Variants in CEACAM3 observed in about 807,000 individuals in gnomAD.
CEACAM3 encodes CEA cell adhesion molecule 3, also known as cell adhesion molecule CEACAM3.
A neutral mutation model predicts 30.1 loss-of-function variants in CEACAM3; 32 were observed. That is an observed-to-expected ratio of 1.06 (90% CI 0.80 to 1.43). The LOEUF (loss-of-function observed/expected upper bound fraction) is 1.43. Ranked by LOEUF, CEACAM3 falls within the 40% of genes most tolerant of loss-of-function variation. The pLI is 0.00. For missense variants in CEACAM3, 290 were observed against 316.3 expected (o/e 0.92, Z 0.63); for synonymous variants, 134 against 127.2 (o/e 1.05, Z -0.36).
At chr19:41,807,178 C>G (rs782373416) in intron 2 of CEACAM3, 1 of 1,609,916 alleles carries the variant, frequency 6.2e-7, no homozygotes, top group African/African-American at 1.3e-5. Context: ...ATGCTGTGGC[C>G]TTCACCTGTG....
intron 2 of CEACAM3, chr19:41,807,452 C>A: frequency 6.5e-7 from 1 of 1,533,168 alleles, no homozygotes; most frequent in Non-Finnish European, 8.8e-7. Flanking sequence ...GAGGCCAGGC[C>A]TCTCAGTCCC....
At chr19:41,796,911 G>A (rs1194053548) in intron 1 of CEACAM3, among the ~76,000 whole-genome samples, 170 bp downstream of exon 1, 2 of 152,136 alleles carry the variant, frequency 1.3e-5, no homozygotes, top group African/African-American at 2.4e-5. Context: ...CATTGAACTG[G>A]GATTGATAAG....
intron 2 of CEACAM3, among the ~76,000 whole-genome samples, chr19:41,802,905 T>A (rs547116048): frequency 6.6e-6 from 1 of 152,270 alleles, no homozygotes; most frequent in Non-Finnish European, 1.5e-5. Context: ...GAGTCACTTA[T>A]GAAGTTCACA....
At chr19:41,797,484 A>AC (rs1555825344) in intron 1 of CEACAM3, 105 bp from the exon 2 acceptor site, 2 of 1,433,992 alleles carry the variant, frequency 1.4e-6, no homozygotes, top group African/African-American at 2.9e-5. Flanking sequence ...ACACACATAC[A>AC]CTCTCCAAGG....
intron 3 of CEACAM3, 28 bp downstream of exon 3, chr19:41,808,958 C>A: frequency 6.7e-7 from 1 of 1,494,236 alleles, no homozygotes; most frequent in Non-Finnish European, 9.1e-7. Flanking sequence ...CATCCTTCTC[C>A]CACCCCCTAG....
In CEACAM3 at chr19:41,810,913, G is replaced by T. The variant is rs186376616; in HGVS notation, c.693+16G>T. On this transcript the variant is annotated intron_variant, in intron 6 of 6. Transcript: ENST00000357396. ...CATCTATGAGGTGAGTGTGGGCCACGGATGTTCTGGTCCCACAGGCCCCAG... is the reference window on the plus strand; with the variant it reads ...CATCTATGAGGTGAGTGTGGGCCACTGATGTTCTGGTCCCACAGGCCCCAG... 9.9e-6 allele frequency: 16 copies of T among 1,611,086 alleles called. No homozygotes were observed. The East Asian group carries it at 2.7e-4, about 27-fold the overall frequency.
intron 2 of CEACAM3, among the ~76,000 whole-genome samples, chr19:41,804,408 C>T (rs1167355926): frequency 3.3e-5 from 5 of 152,156 alleles, no homozygotes; most frequent in African/African-American, 1.2e-4. Flanking sequence ...GTTGTGTTTC[C>T]TGAGGCGTAA....
chr19:41,801,010 C>A (rs1174277923), intron 2 of CEACAM3, among the ~76,000 whole-genome samples: 3 of 152,120 alleles, frequency 2.0e-5, no homozygotes, highest in African/African-American at 7.2e-5. Context: ...TCTAGAATAA[C>A]CAGGGGTCTC....
rs2073250055 is a variant in CEACAM3 at position 41,811,441 on chromosome 19, G to A, written c.*204G>A. 2 of 568,488 alleles carry A rather than the reference G, an allele frequency of 3.5e-6. No homozygotes were observed. Among genetic ancestry groups the A allele is most frequent in the African/African-American group, 3.7e-5 (2 of 53,534 alleles). The allele number at this position is 568,488 out of a possible 1,614,324, so 35.2% of individuals were successfully genotyped here. On this transcript the variant is annotated 3_prime_UTR_variant, in exon 7 of 7. Coordinates refer to ENST00000357396, the MANE Select transcript of CEACAM3 (RefSeq NM_001815.5). ...CTGCCCTAGGCCCTGGGTGGGTCAGGACAAAGGCCTCTCATCACCGCAGAA... is the reference window on the plus strand; with the variant it reads ...CTGCCCTAGGCCCTGGGTGGGTCAGAACAAAGGCCTCTCATCACCGCAGAA...
intron 2 of CEACAM3, among the ~76,000 whole-genome samples, chr19:41,800,484 A>T (rs118160125): frequency 1.3e-5 from 2 of 152,286 alleles, no homozygotes; most frequent in East Asian, 3.9e-4. Flanking sequence ...GCCAGACACC[A>T]GTCAGGTCCA....
intron 2 of CEACAM3, among the ~76,000 whole-genome samples, chr19:41,799,990 G>A (rs1358983940): frequency 2.6e-5 from 4 of 152,106 alleles, no homozygotes; most frequent in African/African-American, 7.2e-5. Context: ...CTGGTTTGTG[G>A]GCGGCAGGTC....
At chr19:41,803,463 TTTGTTTG>T (rs1568740494) in intron 2 of CEACAM3, among the ~76,000 whole-genome samples, 7 of 103,268 alleles carry the variant, frequency 6.8e-5, no homozygotes, top group African/African-American at 2.0e-4. Context: ...TGTGTGTTGT[TTTGTTTG>T]TTTTTTTTTT....
intron 6 of CEACAM3, 62 bp downstream of exon 6, chr19:41,810,959 A>G (rs371043088): frequency 2.8e-4 from 409 of 1,472,686 alleles, no homozygotes; most frequent in Non-Finnish European, 3.7e-4. Context: ...ATCTTCCCCT[A>G]CTGGCATCGG....
chr19:41,800,855 C>A (rs1031539496), intron 2 of CEACAM3, among the ~76,000 whole-genome samples: 26 of 152,108 alleles, frequency 1.7e-4, no homozygotes, highest in Admixed American at 1.3e-3. Context: ...CACTACCAGT[C>A]TCCGCGCATT....
At chr19:41,808,081 T>C (rs572490612) in intron 2 of CEACAM3, among the ~76,000 whole-genome samples, 24 of 152,182 alleles carry the variant, frequency 1.6e-4, no homozygotes, top group Non-Finnish European at 2.9e-4. Flanking sequence ...AGCCACTCAG[T>C]TTTCTGAAAG....
At chr19:41,809,860 C>A in intron 3 of CEACAM3, 105 bp from the exon 4 acceptor site, 1 of 1,126,714 alleles carries the variant, frequency 8.9e-7, no homozygotes, top group African/African-American at 1.5e-5. Flanking sequence ...CAGGAGGTCT[C>A]CATGCCCATC....
chr19:41,796,790 T>C, intron 1 of CEACAM3, 49 bp downstream of exon 1: 5 of 1,576,872 alleles, frequency 3.2e-6, no homozygotes, highest in Non-Finnish European at 4.3e-6. Flanking sequence ...TCACAGAGAA[T>C]GGCTGGGGTC....
At chr19:41,797,388 TG>T in intron 1 of CEACAM3, 200 bp from the exon 2 acceptor site, 1 of 652,844 alleles carries the variant, frequency 1.5e-6, no homozygotes, top group Non-Finnish European at 2.6e-6. Context: ...TGCAGACCCC[TG>T]GGGAAGGGGA....
intron 2 of CEACAM3, among the ~76,000 whole-genome samples, chr19:41,808,116 C>T (rs1012521584): frequency 2.6e-5 from 4 of 152,198 alleles, no homozygotes; most frequent in Non-Finnish European, 5.9e-5. Context: ...TTTCCCAGCC[C>T]ATGTCTTGGA....
Sources: allele counts gnomAD v4.1 joint callset (sites outside exome capture counted in the v4.1 genomes callset), GRCh38; gene constraint gnomAD v4.1.1; transcripts MANE v1.5; gene names NCBI Gene and HGNC (gene_info 2026-07-23, HGNC 2026-07-21).